Variants in HSD11B2 observed in about 807,000 individuals in gnomAD.
HSD11B2 encodes hydroxysteroid 11-beta dehydrogenase 2.
Under a neutral mutation model 20.9 loss-of-function variants are expected in HSD11B2, and 17 were observed. That is an observed-to-expected ratio of 0.81 (90% CI 0.56 to 1.22). The LOEUF is 1.22. Among genes scored for constraint, HSD11B2 ranks in the 50% most tolerant of loss-of-function variants. HSD11B2 has a pLI of 0.00. For synonymous variants in HSD11B2, 253 were observed against 255.4 expected (o/e 0.99, Z 0.09); for missense variants, 480 against 563.6 (o/e 0.85, Z 1.50).
chr16:67,436,939 CA>C lies in HSD11B2; in HGVS notation c.1155del (p.Pro386HisfsTer10). On this transcript the variant is annotated frameshift_variant, in exon 5 of 5. Transcript: ENST00000326152. LOFTEE classifies it low-confidence loss of function (END_TRUNC). The surrounding 1 kb of genome is among the most constrained non-coding windows in gnomAD (Gnocchi z 5.7). The stretch of plus-strand genomic sequence containing the variant: ...CAGCCTGGCCAGCCTGGCACTACCC[CA>C]CCACAGGACGCAGCCCAGGACCCAA... ...ALQPGQPGTT[P>X]PQDAAQDPNL... The C allele has an allele frequency of 6.2e-7, 1 of 1,612,188 alleles. No homozygotes were observed. Among genetic ancestry groups the C allele is most frequent in the Non-Finnish European group, 8.5e-7 (1 of 1,180,024 alleles).
At chr16:67,432,264 G>GC (rs1597560729) in intron 1 of HSD11B2, among the ~76,000 whole-genome samples, 1 of 152,094 alleles carries the variant, frequency 6.6e-6, no homozygotes. Flanking sequence ...GGGGAAGGGG[G>GC]GGGGGGGCTG....
intron 1 of HSD11B2, among the ~76,000 whole-genome samples, chr16:67,434,954 G>A (rs1026681133): frequency 1.3e-5 from 2 of 151,736 alleles, no homozygotes; most frequent in Admixed American, 6.6e-5. Flanking sequence ...GCTTGAACCC[G>A]GGAGGCAGAG....
upstream of HSD11B2, among the ~76,000 whole-genome samples, chr16:67,430,087 C>T (rs140733596): frequency 8.5e-5 from 12 of 141,484 alleles, no homozygotes; most frequent in East Asian, 3.0e-3. This position sits in a 1 kb window ranked among gnomAD's most constrained non-coding sequence, Gnocchi z 5.4. Flanking sequence ...CTCCCAGTGC[C>T]TGGCAGAGCC....
chr16:67,433,942 G>T (rs1288901133), intron 1 of HSD11B2, among the ~76,000 whole-genome samples: 1 of 152,060 alleles, frequency 6.6e-6, no homozygotes, highest in African/African-American at 2.4e-5. Flanking sequence ...GGCCAGGGGT[G>T]GGAGCAGGAG....
chr16:67,435,373 C>T (rs1251208067), intron 1 of HSD11B2, among the ~76,000 whole-genome samples: 1 of 152,164 alleles, frequency 6.6e-6, no homozygotes, highest in African/African-American at 2.4e-5. Flanking sequence ...CCTTAGTTTC[C>T]TCTTCTGTAA....
intron 1 of HSD11B2, among the ~76,000 whole-genome samples, chr16:67,434,459 T>C (rs1034727194): frequency 1.3e-5 from 2 of 152,166 alleles, no homozygotes; most frequent in Non-Finnish European, 2.9e-5. Context: ...CACAGAGGGA[T>C]ATTGTCATTT....
upstream of HSD11B2, chr16:67,430,983 C>CG (rs2040926706): frequency 2.0e-5 from 1 of 48,860 alleles, no homozygotes; most frequent in Non-Finnish European, 3.1e-5. The surrounding 1 kb of genome is among the most constrained non-coding windows in gnomAD (Gnocchi z 5.4). Context: ...GTCGAGGGGG[C>CG]GGGGCGGGGG....
At chr16:67,432,535 G>A (rs1380740906) in intron 1 of HSD11B2, 1 of 152,542 alleles carries the variant, frequency 6.6e-6, no homozygotes, top group African/African-American at 2.4e-5. Context: ...CTTGGAGCAT[G>A]AGTGGAGATA....
chr16:67,431,272 G>C lies in HSD11B2; in HGVS notation c.24G>C (p.Ser8=). The C allele has an allele frequency of 7.9e-7, 1 of 1,264,812 alleles. No individual in the cohort carries two copies. Among genetic ancestry groups the C allele is most frequent in the South Asian group, 2.1e-5 (1 of 46,882 alleles). The allele number at this position is 1,264,812 out of a possible 1,614,324, so 78.3% of individuals were successfully genotyped here. Residue 8 remains serine, a synonymous_variant, in exon 1 of 5, where the codon TCG becomes TCC. Transcript: ENST00000326152. ...CCATGGAGCGCTGGCCTTGGCCGTC[G>C]GGCGGCGCCTGGCTGCTCGTGGCTG... The part of the protein sequence containing the change: MERWPWP[S]GGAWLLVAAR...
chr16:67,434,304 T>C (rs2040954009), intron 1 of HSD11B2, among the ~76,000 whole-genome samples: 1 of 152,122 alleles, frequency 6.6e-6, no homozygotes, highest in Non-Finnish European at 1.5e-5. Context: ...GAAGTGGGGA[T>C]GGGCCTCCAG....
chr16:67,436,262 T>C lies in HSD11B2; in HGVS notation c.678T>C (p.Tyr226=). ...TVGSPAGDMP[Y]PCLGAYGTSK... ...ATCCATCCGCAGGGGACATGCCATATCCGTGCTTGGGGGCCTATGGAACCT... is the reference window on the plus strand; with the variant it reads ...ATCCATCCGCAGGGGACATGCCATACCCGTGCTTGGGGGCCTATGGAACCT... Residue 226 remains tyrosine, a synonymous_variant, in exon 4 of 5, where the codon TAT becomes TAC. Coordinates refer to ENST00000326152, the MANE Select transcript of HSD11B2 (RefSeq NM_000196.4). The surrounding 1 kb of genome is among the most constrained non-coding windows in gnomAD (Gnocchi z 5.7). The C allele has an allele frequency of 6.2e-7, 1 of 1,614,038 alleles. No individual in the cohort carries two copies. The highest frequency in any genetic ancestry group is 8.5e-7 in the Non-Finnish European group (1 of 1,180,016).
Position 67,436,780 on chromosome 16 carries a change from C to T in HSD11B2, c.995C>T (p.Ala332Val). The T allele has an allele frequency of 1.2e-6, 2 of 1,613,676 alleles. No homozygotes were observed. Among genetic ancestry groups the T allele is most frequent in the South Asian group, 1.1e-5 (1 of 91,086 alleles). Residue 332 changes from alanine to valine, a missense_variant, in exon 5 of 5, where the codon GCT (alanine) becomes GTT (valine). Ala to Val is a moderately conservative substitution (Grantham distance 64). Transcript: ENST00000326152. This position sits in a 1 kb window ranked among gnomAD's most constrained non-coding sequence, Gnocchi z 5.7. ...VDAITDALLA[A>V]RPRRRYYPGQ... Reference sequence around the variant, plus strand: ...GCCATCACAGATGCGCTGCTGGCAGCTCGGCCCCGCCGCCGCTATTACCCC... The same window carrying T: ...GCCATCACAGATGCGCTGCTGGCAGTTCGGCCCCGCCGCCGCTATTACCCC...
chr16:67,434,720 C>CA (rs1164837522), intron 1 of HSD11B2, among the ~76,000 whole-genome samples: 1 of 151,968 alleles, frequency 6.6e-6, no homozygotes, highest in Non-Finnish European at 1.5e-5. Context: ...CCCATCTCTC[C>CA]AAAAAAATTT....
rs761552080 is a variant in HSD11B2, at chr16:67,431,439, C to T, written c.191C>T (p.Ala64Val). ...PPAALAVLAA[A>V]GWIALSRLAR... ...GCCGCACTCGCCGTGCTGGCCGCCGCCGGCTGGATCGCGTTGTCCCGCCTG... is the reference window on the plus strand; with the variant it reads ...GCCGCACTCGCCGTGCTGGCCGCCGTCGGCTGGATCGCGTTGTCCCGCCTG... Residue 64 changes from alanine (A) to valine (V), a missense_variant, in exon 1 of 5, where the codon GCC (alanine) becomes GTC (valine). This residue lies in a region of HSD11B2 where 374 missense variants were observed against 480.9 expected (regional missense o/e 0.78). Transcript: ENST00000326152. 1.5e-6 allele frequency: 2 copies of T among 1,355,496 alleles called. No individual in the cohort carries two copies. Among genetic ancestry groups the T allele is most frequent in the South Asian group, 1.7e-5 (1 of 57,150 alleles). 84.0% of individuals were successfully genotyped at this position (1,355,496 alleles called of 1,614,324 possible).
In HSD11B2 at chr16:67,436,284, A is replaced by T. The variant is rs1227445135; in HGVS notation, c.700A>T (p.Thr234Ser). The part of the protein sequence containing the change: ...MPYPCLGAYG[T>S]SKAAVALLMD... ...ATATCCGTGCTTGGGGGCCTATGGA[A>T]CCTCCAAAGCGGCCGTGGCGCTACT... The change falls in exon 4 of 5, where the codon ACC becomes TCC. Residue 234 changes from threonine to serine, a missense_variant. Coordinates refer to ENST00000326152, the MANE Select transcript of HSD11B2 (RefSeq NM_000196.4). This position sits in a 1 kb window ranked among gnomAD's most constrained non-coding sequence, Gnocchi z 5.7. 6.2e-7 allele frequency: 1 copy of T among 1,613,492 alleles called. No homozygotes were observed. Among genetic ancestry groups the T allele is most frequent in the Non-Finnish European group, 8.5e-7 (1 of 1,179,914 alleles).
chr16:67,436,067 C>T lies in HSD11B2; in HGVS notation c.589C>T (p.Leu197Phe). ...SCMEVNFFGALELTKGLLPLL... is the reference protein window; with the variant it reads ...SCMEVNFFGAFELTKGLLPLL... ...CATGGAGGTGAATTTCTTTGGCGCG[C>T]TCGAGCTGACCAAGGGCCTCCTGCC... Residue 197 changes from leucine to phenylalanine, a missense_variant, in exon 3 of 5, where the codon CTC becomes TTC. Around this residue, in one of 2 missense-constraint regions of HSD11B2, gnomAD observed 374 missense variants for 480.9 expected, o/e 0.78. Transcript: ENST00000326152. The surrounding 1 kb of genome is among the most constrained non-coding windows in gnomAD (Gnocchi z 5.7). 1.2e-6 allele frequency: 2 copies of T among 1,614,216 alleles called. No homozygotes were observed. The highest frequency in any genetic ancestry group is 1.7e-6 in the Non-Finnish European group (2 of 1,180,042).
chr16:67,432,269 G>C (rs908061056), intron 1 of HSD11B2, among the ~76,000 whole-genome samples: 6 of 152,088 alleles, frequency 3.9e-5, no homozygotes, highest in Admixed American at 6.5e-5. Context: ...AGGGGGGGGG[G>C]GGCTGGAGGC....
Position 67,431,319 on chromosome 16 carries a change from T to G in HSD11B2, c.71T>G (p.Leu24Arg). 7.9e-7 allele frequency: 1 copy of G among 1,258,746 alleles called. No homozygotes were observed. The highest frequency in any genetic ancestry group is 1.0e-6 in the Non-Finnish European group (1 of 991,394). The allele number at this position is 1,258,746 out of a possible 1,614,324, so 78.0% of individuals were successfully genotyped here. Residue 24 changes from leucine (L) to arginine (R), a missense_variant, in exon 1 of 5, where the codon CTG becomes CGG. Leu to Arg is a moderately radical substitution (Grantham distance 102, BLOSUM62 -2). Around this residue, in one of 2 missense-constraint regions of HSD11B2, gnomAD observed 106 missense variants for 82.8 expected, o/e 1.28. Transcript: ENST00000326152. ...GCTGCCCGCGCGCTGCTGCAGCTGC[T>G]GCGCTCAGACCTGCGTCTGGGCCGC... ...LVAARALLQL[L>R]RSDLRLGRPL...
Position 67,431,412 on chromosome 16 carries a change from C to T in HSD11B2, c.164C>T (p.Pro55Leu), listed in dbSNP as rs2142284703. The T allele has an allele frequency of 2.3e-6, 3 of 1,282,964 alleles. No individual in the cohort carries two copies. The highest frequency in any genetic ancestry group is 3.4e-5 in the East Asian group (1 of 29,484). The allele number at this position is 1,282,964 out of a possible 1,614,324, so 79.5% of individuals were successfully genotyped here. A position where few individuals can be genotyped will look rare whatever the true frequency, so the allele number is the denominator to read the frequency against. ...CTGTGCCAGCGCCTGCTGCCCCCGC[C>T]GGCCGCACTCGCCGTGCTGGCCGCC... ...DWLCQRLLPP[P>L]AALAVLAAAG... Residue 55 changes from proline to leucine, a missense_variant, in exon 1 of 5, where the codon CCG (proline) becomes CTG (leucine). Pro to Leu is a moderately conservative substitution (Grantham distance 98, BLOSUM62 -3). Transcript: ENST00000326152.
Sources: gnomAD v4.1 joint callset for allele counts (sites outside exome capture counted in the v4.1 genomes callset) on GRCh38, gnomAD v4.1.1 for gene constraint, gnomAD v4.1.1 regional missense constraint, Gnocchi (gnomAD v3.1) non-coding constraint, MANE v1.5 for transcripts, NCBI Gene and HGNC (gene_info 2026-07-23, HGNC 2026-07-21) for gene names.